FTCDNL1: variants seen among roughly 807,000 people sequenced by gnomAD.
FTCDNL1 encodes formiminotransferase cyclodeaminase N-terminal like, also known as formiminotransferase N-terminal subdomain-containing protein.
A neutral mutation model predicts 5.9 loss-of-function variants in FTCDNL1; 11 were observed. The observed-to-expected ratio is 1.87, with a 90% confidence interval of 1.18 to 3.10. The LOEUF is 3.10. Among genes scored for constraint, FTCDNL1 ranks in the 30% most tolerant of loss-of-function variants. FTCDNL1 has a pLI of 0.00. For synonymous variants in FTCDNL1, 58 were observed against 24.8 expected (o/e 2.34, Z -3.99); for missense variants, 115 against 65.5 (o/e 1.76, Z -2.61).
the FTCDNL1 span, among the ~76,000 whole-genome samples, chr2:199,668,628 T>G: frequency 0.068 from 10,324 of 152,198 alleles, 768 homozygotes; most frequent in East Asian, 0.26. Context: ...CTCTGAGACC[T>G]CCCCTTGGTT....
At chr2:199,736,411 T>C in the FTCDNL1 span, among the ~76,000 whole-genome samples, 1 of 152,214 alleles carries the variant, frequency 6.6e-6, no homozygotes, top group Non-Finnish European at 1.5e-5. Flanking sequence ...TCCAGAGTTA[T>C]GGGGGATGCC....
chr2:199,803,238 A>G (rs1193834116), intron 3 of FTCDNL1, among the ~76,000 whole-genome samples: 1 of 150,292 alleles, frequency 6.7e-6, no homozygotes, highest in African/African-American at 2.4e-5. Context: ...TTAAATGAGG[A>G]AAGAGTACAG....
the FTCDNL1 span, among the ~76,000 whole-genome samples, chr2:199,665,104 C>G: frequency 6.6e-6 from 1 of 152,198 alleles, no homozygotes; most frequent in Admixed American, 6.5e-5. Flanking sequence ...CCTTCCTTAT[C>G]CTCTCCTTCC....
chr2:199,827,873 A>G (rs912731536), intron 3 of FTCDNL1, among the ~76,000 whole-genome samples: 8 of 152,158 alleles, frequency 5.3e-5, no homozygotes, highest in African/African-American at 1.9e-4. Context: ...GAATGCTCCC[A>G]TATTTTAACA....
Position 199,811,660 on chromosome 2 carries a change from T to C in FTCDNL1, c.*1045A>G, listed in dbSNP as rs1274460475. Among the ~76,000 whole-genome samples the C allele has an allele frequency of 2.0e-5, 3 of 152,252 alleles. No individual in the cohort carries two copies. Among genetic ancestry groups the C allele is most frequent in the South Asian group, 2.1e-4 (1 of 4,834 alleles). The stretch of plus-strand genomic sequence containing the variant: ...GCATGTGGACTTGGGGCTTTCCCCA[T>C]GACATGGGTCATTCCATCCCTGTAG... On this transcript the variant is annotated 3_prime_UTR_variant, in exon 5 of 5. Coordinates refer to ENST00000420128, the MANE Select transcript of FTCDNL1 (RefSeq NM_001363886.2).
intron 3 of FTCDNL1, among the ~76,000 whole-genome samples, chr2:199,793,062 C>T (rs1700007400): frequency 6.6e-6 from 1 of 152,120 alleles, no homozygotes; most frequent in Non-Finnish European, 1.5e-5. Context: ...TGAAATGAGT[C>T]TCTCTTCATT....
chr2:199,770,146 T>C (rs1380590976), intron 3 of FTCDNL1, among the ~76,000 whole-genome samples: 1 of 152,214 alleles, frequency 6.6e-6, no homozygotes, highest in African/African-American at 2.4e-5. Context: ...GCTTATACCC[T>C]TACTGCTTGA....
chr2:199,667,335 T>C, the FTCDNL1 span, among the ~76,000 whole-genome samples: 1 of 152,120 alleles, frequency 6.6e-6, no homozygotes, highest in Admixed American at 6.6e-5. Context: ...AGATAAAATA[T>C]ACCTTAGAGT....
chr2:199,720,085 G>T, the FTCDNL1 span, among the ~76,000 whole-genome samples: 1 of 152,088 alleles, frequency 6.6e-6, no homozygotes, highest in Admixed American at 6.6e-5. Flanking sequence ...GTATAGAAAT[G>T]CTATTGATTT....
the FTCDNL1 span, among the ~76,000 whole-genome samples, chr2:199,712,596 C>T: frequency 3.3e-5 from 5 of 152,154 alleles, no homozygotes; most frequent in Non-Finnish European, 5.9e-5. Flanking sequence ...TGGCTTCAGT[C>T]AACACAAATG....
the FTCDNL1 span, among the ~76,000 whole-genome samples, chr2:199,714,127 T>C: frequency 7.4e-4 from 112 of 152,330 alleles, no homozygotes; most frequent in Middle Eastern, 0.01. Flanking sequence ...AGACTAGTGA[T>C]TTTGAGGACA....
At chr2:199,819,538 A>C (rs1354693679) in intron 4 of FTCDNL1, 34 bp downstream of exon 4, 14 of 682,150 alleles carry the variant, frequency 2.1e-5, no homozygotes, top group Middle Eastern at 2.4e-4. Context: ...AAAAAAAAAA[A>C]AAAACAGAGC....
At chr2:199,724,385 A>C in the FTCDNL1 span, among the ~76,000 whole-genome samples, 3 of 151,702 alleles carry the variant, frequency 2.0e-5, no homozygotes, top group Non-Finnish European at 4.4e-5. Flanking sequence ...TATCTCCTTC[A>C]GTTTCACTCT....
the FTCDNL1 span, among the ~76,000 whole-genome samples, chr2:199,725,075 T>G: frequency 6.6e-6 from 1 of 152,344 alleles, no homozygotes; most frequent in East Asian, 1.9e-4. Flanking sequence ...CTGTATTGGA[T>G]GCATATATAT....
intron 3 of FTCDNL1, among the ~76,000 whole-genome samples, chr2:199,844,931 T>C (rs1425014626): frequency 6.6e-6 from 1 of 152,104 alleles, no homozygotes; most frequent in Non-Finnish European, 1.5e-5. Flanking sequence ...TTTTTTATTT[T>C]TTAGAGACTG....
chr2:199,704,335 G>A, the FTCDNL1 span, among the ~76,000 whole-genome samples: 1 of 152,212 alleles, frequency 6.6e-6, no homozygotes, highest in South Asian at 2.1e-4. Context: ...CAAAAACCAA[G>A]GAGCATGAGA....
At chr2:199,752,764 G>GTGTA in the FTCDNL1 span, among the ~76,000 whole-genome samples, 89 of 148,662 alleles carry the variant, frequency 6.0e-4, 2 homozygotes, top group African/African-American at 2.0e-3. Context: ...GTGTGTGTGT[G>GTGTA]TGTGTGTGTG....
chr2:199,736,884 T>A, the FTCDNL1 span, among the ~76,000 whole-genome samples: 1 of 152,242 alleles, frequency 6.6e-6, no homozygotes, highest in African/African-American at 2.4e-5. Context: ...TTGATTGAAC[T>A]GATTAATTCA....
chr2:199,735,150 A>G, the FTCDNL1 span, among the ~76,000 whole-genome samples: 1 of 149,276 alleles, frequency 6.7e-6, no homozygotes, highest in African/African-American at 2.5e-5. Context: ...ATTATTTCTC[A>G]GGGAAATCAG....
Sources: allele counts gnomAD v4.1 joint callset (sites outside exome capture counted in the v4.1 genomes callset), GRCh38; gene constraint gnomAD v4.1.1; transcripts MANE v1.5; gene names NCBI Gene and HGNC (gene_info 2026-07-23, HGNC 2026-07-21).